PDIA5: variants seen among roughly 807,000 people sequenced by gnomAD.
The protein encoded by PDIA5 is protein disulfide isomerase family A member 5, also known as protein disulfide-isomerase A5.
Under a neutral mutation model 77.6 loss-of-function variants are expected in PDIA5, and 58 were observed. The observed-to-expected ratio is 0.75, with a 90% CI of 0.61 to 0.93. The LOEUF (loss-of-function observed/expected upper bound fraction) is 0.93. Ranked by LOEUF, PDIA5 falls within the 40% of genes least tolerant of loss-of-function variation. The probability of loss-of-function intolerance (pLI) is 0.00; values close to 1 mark genes in which losing one functional copy is unlikely to be tolerated. For synonymous variants in PDIA5, 250 were observed against 252.1 expected, an observed-to-expected ratio of 0.99 and a Z score of 0.08; for missense variants, 630 against 647.7, an observed-to-expected ratio of 0.97 and a Z score of 0.30.
intron 13 of PDIA5, 113 bp downstream of exon 13, chr3:123,146,372 G>T: frequency 1.1e-6 from 1 of 883,236 alleles, no homozygotes; most frequent in Non-Finnish European, 1.8e-6. Flanking sequence ...CATGCCCGTA[G>T]GAGTCAAGAC....
rs373634472 is a variant in PDIA5, at chr3:123,161,498, G to A, written c.1479+43G>A. 6.3e-6 allele frequency: 10 copies of A among 1,591,898 alleles called. No homozygotes were observed. In the African/African-American group the frequency reaches 1.2e-4, roughly 19 times the overall value. ...GTCTGCCCAGAGCTCTCTCTCTGCT[G>A]ATGGGCAGGGAAACTTCCACTGAGG... On this transcript the variant is annotated intron_variant, in intron 16 of 16. Coordinates refer to ENST00000316218, the MANE Select transcript of PDIA5 (RefSeq NM_006810.4).
At chr3:123,126,408 A>C (rs1408365980) in intron 10 of PDIA5, among the ~76,000 whole-genome samples, 1 of 152,146 alleles carries the variant, frequency 6.6e-6, no homozygotes, top group African/African-American at 2.4e-5. Context: ...TAGTAATGTC[A>C]TTCTGCTACC....
intron 3 of PDIA5, among the ~76,000 whole-genome samples, chr3:123,098,021 G>A (rs1934485478): frequency 6.6e-6 from 1 of 152,178 alleles, no homozygotes; most frequent in Non-Finnish European, 1.5e-5. Flanking sequence ...GGATCTGGTT[G>A]GGAGGCGAGG....
In PDIA5 at chr3:123,124,299, C is replaced by A; in HGVS notation, c.729C>A (p.Asp243Glu). The A allele has an allele frequency of 6.2e-7, 1 of 1,613,720 alleles. No individual in the cohort carries two copies. The highest frequency in any genetic ancestry group is 8.5e-7 in the Non-Finnish European group (1 of 1,179,634). The part of the protein sequence containing the change: ...FEKGRFLFQY[D>E]NYGSTAEDIV... ...AAGGACGGTTCTTGTTCCAGTATGACAACTATGGGTCCACAGCTGAGGACA... is the reference window on the plus strand; with the variant it reads ...AAGGACGGTTCTTGTTCCAGTATGAAAACTATGGGTCCACAGCTGAGGACA... Residue 243 changes from aspartate to glutamate, a missense_variant, in exon 10 of 17, where the codon GAC becomes GAA. Transcript: ENST00000316218.
At chr3:123,069,958 C>T (rs750804980) in intron 1 of PDIA5, among the ~76,000 whole-genome samples, 11 of 151,804 alleles carry the variant, frequency 7.2e-5, no homozygotes, top group African/African-American at 1.5e-4. Flanking sequence ...AGCATGGTAG[C>T]GGGCGCCTGT....
intron 7 of PDIA5, among the ~76,000 whole-genome samples, chr3:123,112,534 CTTTTTTTTTTTTT>C (rs55977938): frequency 8.1e-5 from 5 of 61,478 alleles, no homozygotes; most frequent in South Asian, 1.8e-3. Context: ...CAGCCCTATT[CTTTTTTTTTTTTT>C]TTTTTTTTTT....
chr3:123,157,055 T>G (rs1936036984), intron 15 of PDIA5, among the ~76,000 whole-genome samples: 1 of 152,148 alleles, frequency 6.6e-6, no homozygotes, highest in African/African-American at 2.4e-5. Flanking sequence ...CTTGGGCCAG[T>G]GGTGTTGTGG....
At chr3:123,134,257 A>G (rs1441782009) in intron 11 of PDIA5, among the ~76,000 whole-genome samples, 1 of 151,992 alleles carries the variant, frequency 6.6e-6, no homozygotes, top group African/African-American at 2.4e-5. Flanking sequence ...TGTTGCTTCT[A>G]TGCCTGTAGT....
intron 10 of PDIA5, among the ~76,000 whole-genome samples, chr3:123,128,125 T>C (rs1424646281): frequency 6.6e-6 from 1 of 152,222 alleles, no homozygotes; most frequent in African/African-American, 2.4e-5. Flanking sequence ...GGGAGAGCCC[T>C]AGGATCTGAG....
chr3:123,097,206 A>G (rs770230609), intron 3 of PDIA5, among the ~76,000 whole-genome samples: 1 of 152,212 alleles, frequency 6.6e-6, no homozygotes, highest in Non-Finnish European at 1.5e-5. Flanking sequence ...ATTACTTACC[A>G]GGGGGTAAAA....
intron 1 of PDIA5, among the ~76,000 whole-genome samples, chr3:123,071,857 G>C (rs569479079): frequency 6.6e-6 from 1 of 152,288 alleles, no homozygotes; most frequent in Admixed American, 6.5e-5. Context: ...GCCCCGGTCC[G>C]TGTTTGGCTG....
intron 14 of PDIA5, among the ~76,000 whole-genome samples, chr3:123,152,890 G>T (rs1021376812): frequency 1.4e-4 from 21 of 151,860 alleles, no homozygotes; most frequent in African/African-American, 5.1e-4. Flanking sequence ...CAATTGTCCA[G>T]CCTGTCCTCA....
intron 15 of PDIA5, among the ~76,000 whole-genome samples, chr3:123,159,308 G>A (rs571686494): frequency 1.3e-5 from 2 of 152,320 alleles, no homozygotes; most frequent in Admixed American, 6.5e-5. Flanking sequence ...CCTGAGAAAT[G>A]GAACCCCACA....
chr3:123,109,454 G>C (rs957780325), intron 6 of PDIA5, among the ~76,000 whole-genome samples: 5 of 152,184 alleles, frequency 3.3e-5, no homozygotes, highest in African/African-American at 9.7e-5. Context: ...TGTACCCGTA[G>C]TTAGGGTTAA....
At chr3:123,113,105 A>C (rs1352639440) in intron 7 of PDIA5, among the ~76,000 whole-genome samples, 6 of 152,162 alleles carry the variant, frequency 3.9e-5, no homozygotes, top group Non-Finnish European at 7.3e-5. Context: ...CCAGCTGTGA[A>C]TTGCTTTAGG....
At chr3:123,149,358 T>C (rs1935834191) in intron 13 of PDIA5, among the ~76,000 whole-genome samples, 1 of 152,162 alleles carries the variant, frequency 6.6e-6, no homozygotes, top group Non-Finnish European at 1.5e-5. Context: ...AGAATAGAAC[T>C]GGAAGCACAG....
chr3:123,076,634 G>C (rs986612536), intron 1 of PDIA5, among the ~76,000 whole-genome samples: 2 of 152,180 alleles, frequency 1.3e-5, no homozygotes, highest in Admixed American at 6.5e-5. Flanking sequence ...TACACCGTGG[G>C]TCATGAACAC....
chr3:123,161,620 G>A, intron 16 of PDIA5, 165 bp downstream of exon 16: 1 of 755,014 alleles, frequency 1.3e-6, no homozygotes, highest in Non-Finnish European at 2.1e-6. Flanking sequence ...GCTTGACATT[G>A]TTGGAGGAGA....
At chr3:123,107,093 C>T (rs1422807588) in intron 6 of PDIA5, among the ~76,000 whole-genome samples, 1 of 152,190 alleles carries the variant, frequency 6.6e-6, no homozygotes, top group Non-Finnish European at 1.5e-5. Flanking sequence ...CATTTGAACA[C>T]GTTTAGATTT....
Sources: gnomAD v4.1 joint callset for allele counts (sites outside exome capture counted in the v4.1 genomes callset) on GRCh38, gnomAD v4.1.1 for gene constraint, MANE v1.5 for transcripts, NCBI Gene and HGNC (gene_info 2026-07-23, HGNC 2026-07-21) for gene names.